The following PDS5B variants were observed in gnomAD, a reference collection of about 807,000 sequenced individuals.
PDS5B encodes the protein sister chromatid cohesion protein PDS5 homolog B.
Under a neutral mutation model 184.1 loss-of-function variants are expected in PDS5B, and 51 were observed. The ratio of observed to expected loss-of-function variants is 0.28; its 90% CI spans 0.22 to 0.35. The LOEUF is 0.35. PDS5B is among the 10% of genes least tolerant of loss of function. PDS5B has a pLI of 1.00. For missense variants in PDS5B, 1,180 were observed against 1,723.3 expected (o/e 0.68, Z 5.58); for synonymous variants, 566 against 569.2 (o/e 0.99, Z 0.08).
chr13:32,732,325 G>A, intron 20 of PDS5B, 101 bp downstream of exon 20: 1 of 769,068 alleles, frequency 1.3e-6, no homozygotes, highest in South Asian at 1.7e-5. Flanking sequence ...GCATCATTTT[G>A]TAATATATTT....
chr13:32,676,110 G>A, intron 9 of PDS5B, 151 bp downstream of exon 9: 4 of 553,644 alleles, frequency 7.2e-6, no homozygotes, highest in East Asian at 2.9e-5. Flanking sequence ...TTAATGACTG[G>A]CTATATTTAT....
intron 30 of PDS5B, 113 bp downstream of exon 30, chr13:32,760,833 ACT>A: frequency 9.7e-7 from 1 of 1,028,194 alleles, no homozygotes; most frequent in Non-Finnish European, 1.4e-6. Flanking sequence ...GTAATGTATT[ACT>A]TAATTTTTCC....
At chr13:32,625,759 G>C (rs2058361085) in intron 1 of PDS5B, among the ~76,000 whole-genome samples, 1 of 150,294 alleles carries the variant, frequency 6.7e-6, no homozygotes, top group Non-Finnish European at 1.5e-5. Flanking sequence ...TATATACTGG[G>C]TTGTGTTGCA....
At chr13:32,671,333 T>C (rs1950930425) in intron 7 of PDS5B, among the ~76,000 whole-genome samples, 1 of 152,188 alleles carries the variant, frequency 6.6e-6, no homozygotes, top group South Asian at 2.1e-4. Flanking sequence ...ATTTTTCAAA[T>C]AAGTTTTTCC....
At chr13:32,675,464 C>G (rs1257393916) in intron 8 of PDS5B, among the ~76,000 whole-genome samples, 1 of 152,084 alleles carries the variant, frequency 6.6e-6, no homozygotes, top group Non-Finnish European at 1.5e-5. Context: ...TAGGCCTGGC[C>G]TCTGTCAGTG....
intron 17 of PDS5B, among the ~76,000 whole-genome samples, chr13:32,701,705 T>C (rs556254443): frequency 2.0e-5 from 3 of 152,232 alleles, no homozygotes; most frequent in African/African-American, 7.2e-5. Flanking sequence ...TTGGTTCAAA[T>C]TGTGTGAGAA....
chr13:32,617,683 A>G (rs754163324), intron 1 of PDS5B, among the ~76,000 whole-genome samples: 17 of 152,186 alleles, frequency 1.1e-4, no homozygotes, highest in Non-Finnish European at 2.4e-4. Context: ...AGTTTTTGCT[A>G]ATTCAGTGGG....
chr13:32,609,128 G>A (rs1328864371), intron 1 of PDS5B, among the ~76,000 whole-genome samples: 1 of 152,142 alleles, frequency 6.6e-6, no homozygotes, highest in East Asian at 1.9e-4. Flanking sequence ...TTGGAAAATT[G>A]TACTTTTGCT....
At chr13:32,770,090 A>G (rs755190817) in intron 31 of PDS5B, 31 bp from the exon 32 acceptor site, 2 of 1,542,534 alleles carry the variant, frequency 1.3e-6, no homozygotes, top group Non-Finnish European at 1.7e-6. Flanking sequence ...CAATTTCATA[A>G]CCATAAATTG....
intron 14 of PDS5B, among the ~76,000 whole-genome samples, chr13:32,695,981 G>T (rs1951691058): frequency 6.6e-6 from 1 of 152,038 alleles, no homozygotes; most frequent in African/African-American, 2.4e-5. Flanking sequence ...GAGGAGGATA[G>T]CCCAGCACCG....
rs142066376 is a variant in PDS5B, at chr13:32,701,787, G to A, written c.1856+349G>A. ...CTCTTTGTTTTTGTTAACTTGTATA[G>A]TTTAGGTAATATAAATAAATTTTAT... On this transcript the variant is annotated intron_variant, in intron 17 of 34. Coordinates refer to ENST00000315596, the MANE Select transcript of PDS5B (RefSeq NM_015032.4). 9.9e-3 allele frequency among the ~76,000 whole-genome samples: 1,512 copies of A among 152,138 alleles called. 13 individuals carry two copies. The highest frequency in any genetic ancestry group is 0.026 in the African/African-American group (1,064 of 41,506).
intron 1 of PDS5B, among the ~76,000 whole-genome samples, chr13:32,604,667 C>G (rs1200688155): frequency 6.6e-6 from 1 of 151,522 alleles, no homozygotes; most frequent in Non-Finnish European, 1.5e-5. Context: ...CCTCTTTGTA[C>G]CTCTGGTAGA....
chr13:32,694,989 C>A (rs11618019), intron 14 of PDS5B, among the ~76,000 whole-genome samples: 3,052 of 151,818 alleles, frequency 0.02, 42 homozygotes, highest in Non-Finnish European at 0.034. Context: ...TGCTTTTTCT[C>A]AATCTCCCTT....
intron 1 of PDS5B, among the ~76,000 whole-genome samples, chr13:32,596,039 A>G (rs2057860922): frequency 6.6e-6 from 1 of 152,252 alleles, no homozygotes; most frequent in South Asian, 2.1e-4. Context: ...TTAAGCTCAC[A>G]GATTTATTTA....
chr13:32,713,719 A>G (rs1220560122), intron 19 of PDS5B, among the ~76,000 whole-genome samples: 2 of 152,220 alleles, frequency 1.3e-5, no homozygotes, highest in African/African-American at 4.8e-5. Flanking sequence ...AGAAGACAGT[A>G]GAATAATGGG....
intron 1 of PDS5B, among the ~76,000 whole-genome samples, chr13:32,597,006 T>C (rs1361779437): frequency 6.6e-6 from 1 of 152,076 alleles, no homozygotes; most frequent in East Asian, 1.9e-4. Context: ...GTCAATCAAC[T>C]TTTTGTTTTA....
At chr13:32,759,776 C>A in intron 29 of PDS5B, 86 bp downstream of exon 29, 1 of 620,030 alleles carries the variant, frequency 1.6e-6, no homozygotes. Context: ...TGTATTTCTT[C>A]AAAAATTTAT....
intron 14 of PDS5B, among the ~76,000 whole-genome samples, chr13:32,696,465 G>T (rs778808475): frequency 6.6e-6 from 1 of 151,732 alleles, no homozygotes; most frequent in Non-Finnish European, 1.5e-5. Context: ...TCTTTCTCCA[G>T]TGTCTTCCCC....
In PDS5B at chr13:32,667,681, C is replaced by T. The variant is rs551017034; in HGVS notation, c.625-83C>T. 5 of 770,214 alleles carry T rather than the reference C, an allele frequency of 6.5e-6. No homozygotes were observed. In the East Asian group the frequency reaches 1.5e-4, roughly 24 times the overall value. 47.7% of individuals were successfully genotyped at this position (770,214 alleles called of 1,614,324 possible). On this transcript the variant is annotated intron_variant, in intron 6 of 34. Transcript: ENST00000315596. ...GAGTCTTAGTTTTTTCATTCATTTA[C>T]TCAAGTAGCATTTTGAATACAGGTA...
Sources: gnomAD v4.1 joint callset for allele counts (sites outside exome capture counted in the v4.1 genomes callset) on GRCh38, gnomAD v4.1.1 for gene constraint, MANE v1.5 for transcripts, NCBI Gene and HGNC (gene_info 2026-07-23, HGNC 2026-07-21) for gene names.